Variants in ENTPD1 observed in about 807,000 individuals in gnomAD.
The protein encoded by ENTPD1 is ATP diphosphohydrolase.
ENTPD1 carries 33 observed loss-of-function variants against 57.0 expected under a neutral mutation model. The ratio of observed to expected loss-of-function variants is 0.58; its 90% CI spans 0.44 to 0.77. The LOEUF is 0.77. Among genes scored for constraint, ENTPD1 ranks in the 30% least tolerant of loss-of-function variants. ENTPD1 has a pLI of 0.00. For synonymous variants in ENTPD1, 202 were observed against 218.8 expected, an observed-to-expected ratio of 0.92 and a Z score of 0.68; for missense variants, 501 against 603.4, an observed-to-expected ratio of 0.83 and a Z score of 1.78.
intron 3 of ENTPD1, 102 bp downstream of exon 3, chr10:95,839,910 G>A (rs1360069735): frequency 8.7e-7 from 1 of 1,155,330 alleles, no homozygotes. Flanking sequence ...CCCACGCATA[G>A]GAAGCCAAGT....
chr10:95,745,937 G>A (rs2098005597), intron 1 of ENTPD1, among the ~76,000 whole-genome samples: 1 of 152,176 alleles, frequency 6.6e-6, no homozygotes, highest in Non-Finnish European at 1.5e-5. Context: ...CCTGGAAATA[G>A]GAAGACATGG....
At chr10:95,710,669 G>C (rs2097964798), upstream of ENTPD1, among the ~76,000 whole-genome samples, 1 of 152,054 alleles carries the variant, frequency 6.6e-6, no homozygotes, top group Admixed American at 6.6e-5. Context: ...TTAATAACAA[G>C]GGAAGTAGTA....
rs1228496946 is a variant in ENTPD1, at chr10:95,872,782, C to G, written c.*6399C>G. 1 of 985,340 alleles carries G rather than the reference C, an allele frequency of 1.0e-6. No homozygotes were observed. 61.0% of individuals were successfully genotyped at this position (985,340 alleles called of 1,614,324 possible). ...GGTCCGCACCACTAGTTCTGCTTCA[C>G]TCTATTTATCTCTTGATGTAACCAT... On this transcript the variant is annotated 3_prime_UTR_variant, in exon 10 of 10. Coordinates refer to ENST00000371205, the MANE Select transcript of ENTPD1 (RefSeq NM_001776.6).
chr10:95,749,104 G>T (rs1457792553), intron 1 of ENTPD1, among the ~76,000 whole-genome samples: 7 of 152,256 alleles, frequency 4.6e-5, no homozygotes, highest in Admixed American at 3.3e-4. Flanking sequence ...CCTTTGTGAG[G>T]TATTGCAAGA....
At position 95,860,570 on chromosome 10, in the gene ENTPD1, G is replaced by A. The variant is rs1250703147; in HGVS notation, c.1176G>A (p.Gln392=). 1.9e-6 allele frequency: 3 copies of A among 1,613,534 alleles called. No individual in the cohort carries two copies. Among genetic ancestry groups the A allele is most frequent in the Non-Finnish European group, 2.5e-6 (3 of 1,179,662 alleles). ...AGATGATGAAAAAGTTCTGTGCTCA[G>A]CCTTGGGAGGAGGTAAGTGACTAGG... ...VTEMMKKFCA[Q]PWEEIKTSYA... is the part of the protein sequence containing the mutation. The change falls in exon 8 of 10, where the codon CAG becomes CAA. Residue 392 remains glutamine (Q), a synonymous_variant. Transcript: ENST00000371205.
intron 1 of ENTPD1, 47 bp downstream of exon 1, chr10:95,756,302 A>G (rs369264187): frequency 2.0e-6 from 3 of 1,527,668 alleles, no homozygotes; most frequent in Non-Finnish European, 2.7e-6. Flanking sequence ...AAAAAAAAAT[A>G]GAAGGAAAAA....
intron 2 of ENTPD1, among the ~76,000 whole-genome samples, chr10:95,830,577 C>T (rs183804728): frequency 2.4e-3 from 362 of 151,982 alleles, no homozygotes; most frequent in Non-Finnish European, 4.6e-3. Flanking sequence ...AGGCTGAGGC[C>T]GGCAGATCAC....
At chr10:95,806,632 C>A (rs541689471) in intron 1 of ENTPD1, among the ~76,000 whole-genome samples, 40 of 152,330 alleles carry the variant, frequency 2.6e-4, no homozygotes, top group African/African-American at 9.1e-4. Flanking sequence ...GTTTTATCTA[C>A]TTTTGGTCTT....
chr10:95,866,730 T>G lies in ENTPD1; in HGVS notation c.*347T>G. 1 of 1,156,304 alleles carries G rather than the reference T, an allele frequency of 8.6e-7. No individual in the cohort carries two copies. The highest frequency in any genetic ancestry group is 4.2e-5 in the Admixed American group (1 of 23,548). The allele number at this position is 1,156,304 out of a possible 1,614,324, so 71.6% of individuals were successfully genotyped here. A position where few individuals can be genotyped will look rare whatever the true frequency, so the allele number is the denominator to read the frequency against. On this transcript the variant is annotated 3_prime_UTR_variant, in exon 10 of 10. Transcript: ENST00000371205. ...TAGAAGAACTGAGAGTCTTGAGTCC[T>G]GTGATAGGAGGCTGAGCTGGCTGAA...
At position 95,872,344 on chromosome 10, in the gene ENTPD1, C is replaced by A; in HGVS notation, c.*5961C>A. 3.0e-6 allele frequency: 3 copies of A among 985,434 alleles called. No homozygotes were observed. The highest frequency in any genetic ancestry group is 3.6e-6 in the Non-Finnish European group (3 of 829,934). 61.0% of individuals were successfully genotyped at this position (985,434 alleles called of 1,614,324 possible). ...CATGGCCGCCAGCTCTCTCCAGGCTCATATCCCACTCCACTCCTCTGATGT... is the reference window on the plus strand; with the variant it reads ...CATGGCCGCCAGCTCTCTCCAGGCTAATATCCCACTCCACTCCTCTGATGT... On this transcript the variant is annotated 3_prime_UTR_variant, in exon 10 of 10. Coordinates refer to ENST00000371205, the MANE Select transcript of ENTPD1 (RefSeq NM_001776.6).
upstream of ENTPD1, among the ~76,000 whole-genome samples, chr10:95,751,863 G>A (rs1293062848): frequency 1.3e-5 from 2 of 152,198 alleles, no homozygotes; most frequent in Non-Finnish European, 2.9e-5. Flanking sequence ...TGGATCTGGT[G>A]CTCATGGGAG....
intron 1 of ENTPD1, among the ~76,000 whole-genome samples, chr10:95,712,187 G>T (rs1205737794): frequency 6.6e-6 from 1 of 152,140 alleles, no homozygotes; most frequent in Non-Finnish European, 1.5e-5. Context: ...ACATTGTTCG[G>T]TCCCTTTCCT....
intron 1 of ENTPD1, among the ~76,000 whole-genome samples, chr10:95,724,603 C>T (rs990136399): frequency 2.6e-5 from 4 of 152,186 alleles, no homozygotes; most frequent in Non-Finnish European, 5.9e-5. Flanking sequence ...GGCACTTAGC[C>T]ATGCAGGAAC....
intron 1 of ENTPD1, among the ~76,000 whole-genome samples, chr10:95,799,341 T>A (rs1466787273): frequency 1.3e-5 from 2 of 152,188 alleles, no homozygotes; most frequent in South Asian, 4.1e-4. Flanking sequence ...TGCCACTTTA[T>A]ATATCCATGT....
chr10:95,765,659 G>C (rs1197380590), intron 1 of ENTPD1, among the ~76,000 whole-genome samples: 1 of 152,026 alleles, frequency 6.6e-6, no homozygotes, highest in Non-Finnish European at 1.5e-5. Context: ...ATATTGTTTG[G>C]GGTATTATGG....
chr10:95,763,366 A>G (rs1302560487), intron 1 of ENTPD1, among the ~76,000 whole-genome samples: 1 of 152,104 alleles, frequency 6.6e-6, no homozygotes, highest in African/African-American at 2.4e-5. Flanking sequence ...ATTGTAAATG[A>G]TTTTTATTTT....
chr10:95,830,361 A>G (rs992506252), intron 2 of ENTPD1, among the ~76,000 whole-genome samples: 4 of 152,130 alleles, frequency 2.6e-5, no homozygotes, highest in African/African-American at 9.7e-5. Flanking sequence ...TTTTGGCTTA[A>G]AAGTGGGCAT....
At chr10:95,820,038 C>A (rs1403905688) in intron 1 of ENTPD1, among the ~76,000 whole-genome samples, 1 of 152,154 alleles carries the variant, frequency 6.6e-6, no homozygotes, top group Non-Finnish European at 1.5e-5. Flanking sequence ...GAAGAAGGGG[C>A]AGTTACCTAA....
At chr10:95,837,191 T>C (rs1225659324) in intron 2 of ENTPD1, among the ~76,000 whole-genome samples, 1 of 152,176 alleles carries the variant, frequency 6.6e-6, no homozygotes, top group East Asian at 1.9e-4. Context: ...AAGAATGACT[T>C]TCGTATCAAC....
Sources: allele counts gnomAD v4.1 joint callset (sites outside exome capture counted in the v4.1 genomes callset), GRCh38; gene constraint gnomAD v4.1.1; transcripts MANE v1.5; gene names NCBI Gene and HGNC (gene_info 2026-07-23, HGNC 2026-07-21).